The following ITGA9 variants were observed in gnomAD, a reference collection of about 807,000 sequenced individuals.
ITGA9 encodes integrin alpha-9.
In ITGA9, 56 loss-of-function variants were observed where a neutral mutation model predicts 127.8. That is an observed-to-expected ratio of 0.44 (90% CI 0.35 to 0.55). The LOEUF is 0.55. ITGA9 is among the 20% of genes least tolerant of loss of function. The pLI, the probability that ITGA9 is intolerant of heterozygous loss-of-function variation, is 0.00. For synonymous variants in ITGA9, 508 were observed against 514.5 expected (o/e 0.99, Z 0.17); for missense variants, 1,196 against 1,347.1 (o/e 0.89, Z 1.76).
chr3:37,601,110 G>A (rs1217823331), intron 15 of ITGA9, among the ~76,000 whole-genome samples: 1 of 152,134 alleles, frequency 6.6e-6, no homozygotes, highest in Non-Finnish European at 1.5e-5. Flanking sequence ...GTCCTTTAAA[G>A]ACCCACCAGC....
intron 8 of ITGA9, among the ~76,000 whole-genome samples, chr3:37,512,307 C>T (rs1046735078): frequency 2.3e-4 from 34 of 150,870 alleles, no homozygotes; most frequent in African/African-American, 7.8e-4. Flanking sequence ...GCAACCTCCA[C>T]CTCCCAGGTT....
intron 15 of ITGA9, among the ~76,000 whole-genome samples, chr3:37,612,336 T>C (rs1197350907): frequency 6.6e-6 from 1 of 152,178 alleles, no homozygotes; most frequent in Non-Finnish European, 1.5e-5. Flanking sequence ...TTATCAAAAT[T>C]TTTAAAGACC....
intron 8 of ITGA9, among the ~76,000 whole-genome samples, chr3:37,511,345 G>A (rs185465279): frequency 1.1e-4 from 16 of 152,150 alleles, no homozygotes; most frequent in Admixed American, 2.0e-4. Context: ...TCTGATCATC[G>A]GACACACACC....
chr3:37,543,944 C>T (rs1699300991), intron 15 of ITGA9, among the ~76,000 whole-genome samples: 1 of 152,222 alleles, frequency 6.6e-6, no homozygotes, highest in African/African-American at 2.4e-5. Context: ...TACAGCCCCG[C>T]CCCGTCAGTC....
intron 19 of ITGA9, among the ~76,000 whole-genome samples, chr3:37,733,996 A>G (rs2125529276): frequency 6.6e-6 from 1 of 152,350 alleles, no homozygotes. Context: ...TTCACCATAT[A>G]CATATCAGGC....
chr3:37,517,255 C>CTCCTTCCCTCAAA (rs1195504451), intron 9 of ITGA9, among the ~76,000 whole-genome samples: 1 of 152,040 alleles, frequency 6.6e-6, no homozygotes, highest in Admixed American at 6.5e-5. Flanking sequence ...CATTGGCTAC[C>CTCCTTCCCTCAAA]ATGACATTCT....
rs1445415904 is a variant in ITGA9, at chr3:37,592,673, G to A, written c.1690-36514G>A. Among the ~76,000 whole-genome samples the A allele has an allele frequency of 5.9e-5, 9 of 152,286 alleles. No homozygotes were observed. In the East Asian group the frequency reaches 1.5e-3, roughly 26 times the overall value. On this transcript the variant is annotated intron_variant, in intron 15 of 27. Transcript: ENST00000264741. The stretch of plus-strand genomic sequence containing the variant: ...CGAGGTCAAGTCAGCAGGGTGGATT[G>A]AGAATATGTAGGGGGACGAAGCCAG...
intron 26 of ITGA9, among the ~76,000 whole-genome samples, chr3:37,793,432 ACACACG>A (rs1424189728): frequency 6.8e-6 from 1 of 147,818 alleles, no homozygotes; most frequent in Non-Finnish European, 1.5e-5. Context: ...ACACACACAC[ACACACG>A]TGCACACACA....
In ITGA9 at chr3:37,790,095, T is replaced by G. The variant is rs113248885; in HGVS notation, c.2889+5017T>G. The G allele has an allele frequency of 4.7e-4, 260 of 555,100 alleles. 3 individuals are homozygous for G. The highest frequency in any genetic ancestry group is 4.5e-3 in the African/African-American group (237 of 52,896). 34.4% of individuals were successfully genotyped at this position (555,100 alleles called of 1,614,324 possible). On this transcript the variant is annotated intron_variant, in intron 26 of 27. Coordinates refer to ENST00000264741, the MANE Select transcript of ITGA9 (RefSeq NM_002207.3). ...GATTGTTAAGAAGTGTCAGTGCTTC[T>G]ACAATGGAAATTTTGCCTTTGGGAA...
Position 37,512,014 on chromosome 3 carries a change from TTTTCTTTTCTTTTCTTTCTTTCTTTC to T in ITGA9, c.898-1741_898-1716del, listed in dbSNP as rs1249195617. 4.4e-4 allele frequency among the ~76,000 whole-genome samples: 14 copies of T among 31,886 alleles called. 1 individual carries two copies. The highest frequency in any genetic ancestry group is 1.3e-3 in the African/African-American group (14 of 10,686). The allele number at this position is 31,886 out of a possible 152,430, so 20.9% of individuals were successfully genotyped here. ...TTTTCTTTTCTTTTCTTTTCTTTTCTTTTCTTTTCTTTTCTTTCTTTCTTTCTTTCTTTCTTTCTTTCTTTCTTTCT... is the reference window on the plus strand; with the variant it reads ...TTTTCTTTTCTTTTCTTTTCTTTTCTTTTCTTTCTTTCTTTCTTTCTTTCT... On this transcript the variant is annotated intron_variant, in intron 8 of 27. Coordinates refer to ENST00000264741, the MANE Select transcript of ITGA9 (RefSeq NM_002207.3).
intron 17 of ITGA9, among the ~76,000 whole-genome samples, chr3:37,666,718 A>G (rs550625364): frequency 5.9e-4 from 90 of 152,338 alleles, no homozygotes; most frequent in African/African-American, 2.1e-3. Context: ...CAAATGTCAC[A>G]GGGTCGCATG....
At chr3:37,657,040 C>A (rs984364318) in intron 17 of ITGA9, among the ~76,000 whole-genome samples, 5 of 152,028 alleles carry the variant, frequency 3.3e-5, no homozygotes, top group Non-Finnish European at 5.9e-5. Flanking sequence ...AGGGATGAAG[C>A]CGACTTGATT....
At chr3:37,548,588 G>T (rs1386839873) in intron 15 of ITGA9, among the ~76,000 whole-genome samples, 1 of 152,052 alleles carries the variant, frequency 6.6e-6, no homozygotes, top group Non-Finnish European at 1.5e-5. Flanking sequence ...CTGTCCAGGT[G>T]GTCTTCTATA....
chr3:37,738,753 C>G (rs1696396684), intron 20 of ITGA9, among the ~76,000 whole-genome samples: 1 of 152,148 alleles, frequency 6.6e-6, no homozygotes, highest in Non-Finnish European at 1.5e-5. Flanking sequence ...GCCTGTATGC[C>G]TGGGAAGGAA....
intron 23 of ITGA9, among the ~76,000 whole-genome samples, chr3:37,773,300 A>C (rs1696866539): frequency 1.3e-5 from 2 of 152,254 alleles, no homozygotes; most frequent in South Asian, 4.1e-4. Context: ...TTGGGTGGCC[A>C]GGCCTCGTAA....
intron 22 of ITGA9, 56 bp downstream of exon 22, chr3:37,744,090 G>C: frequency 8.7e-7 from 1 of 1,153,316 alleles, no homozygotes; most frequent in Non-Finnish European, 1.3e-6. Context: ...GGGCACATGG[G>C]ATGTCTCTCC....
intron 17 of ITGA9, among the ~76,000 whole-genome samples, chr3:37,661,714 G>A (rs1301486015): frequency 6.6e-6 from 1 of 152,362 alleles, no homozygotes; most frequent in Non-Finnish European, 1.5e-5. Flanking sequence ...AGCCAGGCAA[G>A]TGCTAGGCAC....
intron 23 of ITGA9, chr3:37,754,012 G>A (rs1349159991): frequency 6.6e-6 from 1 of 152,164 alleles, no homozygotes; most frequent in Non-Finnish European, 1.5e-5. Context: ...ATTTCTTTTT[G>A]AAGTGAAGAT....
In ITGA9 at chr3:37,687,778, AGGCTATTACC is replaced by A. The variant is rs540854699; in HGVS notation, c.2067+3764_2067+3773del. On this transcript the variant is annotated intron_variant, in intron 18 of 27. Transcript: ENST00000264741. ...TATACTCAGATATATGAGAATTCAT[AGGCTATTACC>A]TCTTCCAGTTTGGATTTCCCCAAAA... Among the ~76,000 whole-genome samples, 6 of 152,368 alleles carry A rather than the reference AGGCTATTACC, an allele frequency of 3.9e-5. No homozygotes were observed. In the South Asian group the frequency reaches 1.2e-3, roughly 32 times the overall value.
Sources: gnomAD v4.1 joint callset for allele counts (sites outside exome capture counted in the v4.1 genomes callset) on GRCh38, gnomAD v4.1.1 for gene constraint, MANE v1.5 for transcripts, NCBI Gene and HGNC (gene_info 2026-07-23, HGNC 2026-07-21) for gene names.